Variants in ASAP1 observed in about 807,000 individuals in gnomAD.
ASAP1 encodes the protein ArfGAP with SH3 domain, ankyrin repeat and PH domain 1.
In ASAP1, 43 loss-of-function variants were observed where a neutral mutation model predicts 145.2. That is an observed-to-expected ratio of 0.30 (90% CI 0.23 to 0.38). The LOEUF is 0.38. Among genes scored for constraint, ASAP1 ranks in the 10% least tolerant of loss-of-function variants. The probability of loss-of-function intolerance (pLI) is 1.00; values close to 1 mark genes in which losing one functional copy is unlikely to be tolerated. For synonymous variants in ASAP1, 546 were observed against 515.5 expected, an observed-to-expected ratio of 1.06 and a Z score of -0.80; for missense variants, 1,018 against 1,355.3, an observed-to-expected ratio of 0.75 and a Z score of 3.91.
chr8:130,072,855 A>G (rs2135237284), intron 27 of ASAP1, among the ~76,000 whole-genome samples: 1 of 57,826 alleles, frequency 1.7e-5, no homozygotes, highest in African/African-American at 6.3e-5. Flanking sequence ...TTGGGGACTG[A>G]GCTCTCACCC....
intron 3 of ASAP1, 81 bp downstream of exon 3, chr8:130,357,936 C>T: frequency 6.6e-7 from 1 of 1,505,012 alleles, no homozygotes; most frequent in Non-Finnish European, 8.9e-7. Context: ...GCGTCCCCTT[C>T]CTCCCAGCTC....
intron 3 of ASAP1, among the ~76,000 whole-genome samples, chr8:130,250,138 T>C (rs1230024518): frequency 1.3e-5 from 2 of 152,124 alleles, no homozygotes; most frequent in African/African-American, 4.8e-5. Flanking sequence ...CAGATTCTAA[T>C]TCCAGCCATT....
chr8:130,110,671 T>A (rs1156946598), intron 24 of ASAP1, among the ~76,000 whole-genome samples: 1 of 152,246 alleles, frequency 6.6e-6, no homozygotes, highest in East Asian at 1.9e-4. Context: ...TGAGGATAGC[T>A]GTTCATGCCA....
intron 3 of ASAP1, among the ~76,000 whole-genome samples, chr8:130,309,631 G>T (rs1035834045): frequency 6.6e-6 from 1 of 152,204 alleles, no homozygotes; most frequent in Non-Finnish European, 1.5e-5. Context: ...AGCCACCGAG[G>T]AGTGCTATGC....
At chr8:130,084,905 A>G (rs927913094) in intron 25 of ASAP1, 1 of 152,230 alleles carries the variant, frequency 6.6e-6, no homozygotes, top group Admixed American at 6.5e-5. Context: ...TAAGCAGTAA[A>G]CCAATTTTTG....
At chr8:130,386,957 A>G (rs1828047113) in intron 2 of ASAP1, 1 of 152,194 alleles carries the variant, frequency 6.6e-6, no homozygotes, top group Non-Finnish European at 1.5e-5. Flanking sequence ...CAAACCCCAA[A>G]TATTTGCAGA....
In ASAP1 at chr8:130,270,210, C is replaced by A. The variant is rs578258628; in HGVS notation, c.187-33216G>T. ...CAAACCAAATCAAATAAAAAGTTAT[C>A]AAACATTTACAATAAAGTACCAAGC... On this transcript the variant is annotated intron_variant, in intron 3 of 29. Transcript: ENST00000518721. 3.0e-3 allele frequency among the ~76,000 whole-genome samples: 453 copies of A among 152,238 alleles called. 1 individual carries two copies. Among genetic ancestry groups the A allele is most frequent in the Non-Finnish European group, 5.0e-3 (338 of 68,020 alleles).
chr8:130,086,249 A>C (rs6996106), intron 25 of ASAP1, among the ~76,000 whole-genome samples: 25,490 of 152,198 alleles, frequency 0.17, 2,648 homozygotes, highest in East Asian at 0.44. Flanking sequence ...CCTGGCCCCC[A>C]CGTACTAGCT....
At chr8:130,086,245 C>A (rs2097492760) in intron 25 of ASAP1, among the ~76,000 whole-genome samples, 1 of 152,146 alleles carries the variant, frequency 6.6e-6, no homozygotes, top group Non-Finnish European at 1.5e-5. Flanking sequence ...GAATCCTGGC[C>A]CCCACGTACT....
intron 3 of ASAP1, among the ~76,000 whole-genome samples, chr8:130,242,797 T>C (rs1818619563): frequency 6.6e-6 from 1 of 152,138 alleles, no homozygotes. Flanking sequence ...AAGAAAGAAT[T>C]GACAATGAAG....
At chr8:130,393,320 G>A in intron 2 of ASAP1, among the ~76,000 whole-genome samples, 1 of 152,190 alleles carries the variant, frequency 6.6e-6, no homozygotes, top group Non-Finnish European at 1.5e-5. Context: ...TCTTTACTGA[G>A]GGGAATGTGC....
At chr8:130,367,774 G>T (rs898918792) in intron 2 of ASAP1, among the ~76,000 whole-genome samples, 1 of 152,152 alleles carries the variant, frequency 6.6e-6, no homozygotes, top group African/African-American at 2.4e-5. Context: ...TTCCGTCTGG[G>T]TTGGGGCCCC....
intron 27 of ASAP1, among the ~76,000 whole-genome samples, chr8:130,073,744 TG>T (rs1283911791): frequency 6.6e-6 from 1 of 152,098 alleles, no homozygotes; most frequent in Non-Finnish European, 1.5e-5. Flanking sequence ...AGAGGATGGA[TG>T]GATCAATCTT....
chr8:130,105,684 C>T (rs2097535787), intron 24 of ASAP1, among the ~76,000 whole-genome samples: 1 of 152,178 alleles, frequency 6.6e-6, no homozygotes, highest in Admixed American at 6.5e-5. Flanking sequence ...AAGAAGGACT[C>T]AGTGTAGAAC....
chr8:130,185,009 T>C (rs915623193), intron 7 of ASAP1, among the ~76,000 whole-genome samples: 2 of 152,206 alleles, frequency 1.3e-5, no homozygotes, highest in Non-Finnish European at 2.9e-5. Flanking sequence ...GAGTTCCAAA[T>C]AGAAGACCAC....
At chr8:130,252,167 A>G in intron 3 of ASAP1, among the ~76,000 whole-genome samples, 1 of 152,252 alleles carries the variant, frequency 6.6e-6, no homozygotes, top group African/African-American at 2.4e-5. Context: ...ACTAAAAATT[A>G]TGTATGGAAC....
chr8:130,068,742 A>T (rs951195866), intron 27 of ASAP1, among the ~76,000 whole-genome samples: 1 of 152,218 alleles, frequency 6.6e-6, no homozygotes, highest in African/African-American at 2.4e-5. Flanking sequence ...AACTCTACCT[A>T]CAAATGTCAA....
At chr8:130,337,484 G>A (rs761599704) in intron 3 of ASAP1, among the ~76,000 whole-genome samples, 3 of 152,128 alleles carry the variant, frequency 2.0e-5, no homozygotes, top group Non-Finnish European at 4.4e-5. Flanking sequence ...AATTCTGAAC[G>A]CTAATTAAGC....
intron 3 of ASAP1, among the ~76,000 whole-genome samples, chr8:130,355,849 T>C (rs912467772): frequency 1.3e-5 from 2 of 152,194 alleles, no homozygotes; most frequent in African/African-American, 2.4e-5. Context: ...AATTAAAATA[T>C]GCCGACCGGA....
Sources: gnomAD v4.1 joint callset for allele counts (sites outside exome capture counted in the v4.1 genomes callset) on GRCh38, gnomAD v4.1.1 for gene constraint, MANE v1.5 for transcripts, NCBI Gene and HGNC (gene_info 2026-07-23, HGNC 2026-07-21) for gene names.